Variants in DLGAP2 observed in about 807,000 individuals in gnomAD.
DLGAP2 encodes DLG associated protein 2, also known as disks large-associated protein 2.
In DLGAP2, 26 loss-of-function variants were observed where a neutral mutation model predicts 100.3. That is an observed-to-expected ratio of 0.26 (90% CI 0.19 to 0.36). The LOEUF is 0.36. Among genes scored for constraint, DLGAP2 ranks in the 10% least tolerant of loss-of-function variants. The pLI, the probability that DLGAP2 is intolerant of heterozygous loss-of-function variation, is 1.00. For synonymous variants in DLGAP2, 886 were observed against 630.1 expected (o/e 1.41, Z -6.08); for missense variants, 1,858 against 1,453.2 (o/e 1.28, Z -4.53).
At position 1,071,362 on chromosome 8, in the gene DLGAP2, G is replaced by T. The variant is rs554531090; in HGVS notation, c.73+163396G>T. Reference sequence around the variant, plus strand: ...CCACGGTGCTTGACTTTCAAGGGTGGCTTCCTGGATGACTCCCCTCCCTCC... The same window carrying T: ...CCACGGTGCTTGACTTTCAAGGGTGTCTTCCTGGATGACTCCCCTCCCTCC... On this transcript the variant is annotated intron_variant, in intron 2 of 14. Transcript: ENST00000637795. Among the ~76,000 whole-genome samples the T allele has an allele frequency of 2.0e-5, 3 of 152,290 alleles. No individual in the cohort carries two copies. The South Asian group carries it at 6.2e-4, about 32-fold the overall frequency.
intron 2 of DLGAP2, among the ~76,000 whole-genome samples, chr8:1,074,063 GTT>G (rs1803521974): frequency 7.3e-6 from 1 of 137,734 alleles, no homozygotes; most frequent in Non-Finnish European, 1.5e-5. Context: ...TCACAGAAGG[GTT>G]TGCAGCAGAC....
chr8:1,037,375 C>A (rs979181247), intron 2 of DLGAP2, among the ~76,000 whole-genome samples: 4 of 152,154 alleles, frequency 2.6e-5, no homozygotes, highest in Admixed American at 6.5e-5. Flanking sequence ...CCGCCTCGGG[C>A]CCAGGGCTTC....
At chr8:824,166 C>G (rs1332943065) in intron 1 of DLGAP2, among the ~76,000 whole-genome samples, 1 of 152,086 alleles carries the variant, frequency 6.6e-6, no homozygotes, top group East Asian at 1.9e-4. Flanking sequence ...CCTCAACCTC[C>G]TGGGCTCAGG....
At chr8:1,658,212 G>C (rs1229193046) in intron 8 of DLGAP2, among the ~76,000 whole-genome samples, 1 of 151,968 alleles carries the variant, frequency 6.6e-6, no homozygotes, top group African/African-American at 2.4e-5. Flanking sequence ...GCTTTACCTG[G>C]AGGCTGCCAT....
intron 3 of DLGAP2, among the ~76,000 whole-genome samples, chr8:1,260,722 G>C (rs1029840282): frequency 6.6e-6 from 1 of 152,224 alleles, no homozygotes; most frequent in Non-Finnish European, 1.5e-5. Context: ...TCCTGGCTCA[G>C]GGATGGATAT....
At chr8:1,127,348 G>A (rs1184961940) in intron 2 of DLGAP2, among the ~76,000 whole-genome samples, 1 of 152,032 alleles carries the variant, frequency 6.6e-6, no homozygotes, top group African/African-American at 2.4e-5. Context: ...GAACGGGCAG[G>A]CTGAGAGCCA....
chr8:1,483,598 GACAAGGGAAGGC>G (rs1437861106), intron 3 of DLGAP2, among the ~76,000 whole-genome samples: 8 of 137,732 alleles, frequency 5.8e-5, no homozygotes, highest in East Asian at 2.0e-4. Context: ...AGAACGTGAG[GACAAGGGAAGGC>G]TGAACTGCTG....
At chr8:803,206 C>G (rs1267044297) in intron 1 of DLGAP2, among the ~76,000 whole-genome samples, 3 of 152,128 alleles carry the variant, frequency 2.0e-5, no homozygotes, top group African/African-American at 7.2e-5. Flanking sequence ...AGCTTGAGTG[C>G]CGCTTCCTCC....
chr8:1,287,964 TA>T (rs1165153826), intron 3 of DLGAP2, among the ~76,000 whole-genome samples: 9 of 81,870 alleles, frequency 1.1e-4, no homozygotes, highest in Non-Finnish European at 1.8e-4. Flanking sequence ...GTGTGGTTGT[TA>T]GGGGAACTAG....
At chr8:977,386 A>C (rs530031945) in intron 2 of DLGAP2, among the ~76,000 whole-genome samples, 59 of 152,342 alleles carry the variant, frequency 3.9e-4, no homozygotes, top group African/African-American at 1.4e-3. Flanking sequence ...TGTGCAAATG[A>C]GTGGATTAGT....
At chr8:1,316,618 C>T (rs376947544) in intron 3 of DLGAP2, among the ~76,000 whole-genome samples, 22 of 122,712 alleles carry the variant, frequency 1.8e-4, no homozygotes, top group Admixed American at 5.5e-4. Flanking sequence ...AAAAATAGAG[C>T]GTGTGCGAGT....
intron 2 of DLGAP2, among the ~76,000 whole-genome samples, chr8:1,243,773 G>C (rs929912111): frequency 2.6e-5 from 4 of 152,050 alleles, no homozygotes; most frequent in African/African-American, 9.7e-5. Flanking sequence ...TCTTCTCTCA[G>C]GTGGGCCACC....
chr8:742,443 G>A (rs139468329), intron 1 of DLGAP2, among the ~76,000 whole-genome samples: 21 of 152,318 alleles, frequency 1.4e-4, no homozygotes, highest in Admixed American at 3.9e-4. Context: ...TGTATTTTAA[G>A]TTAGGCGGTA....
At chr8:1,428,630 G>A (rs1420097364) in intron 3 of DLGAP2, among the ~76,000 whole-genome samples, 2 of 152,234 alleles carry the variant, frequency 1.3e-5, no homozygotes, top group African/African-American at 4.8e-5. Flanking sequence ...GTATGCCTAT[G>A]TATACCTAAT....
intron 1 of DLGAP2, among the ~76,000 whole-genome samples, chr8:748,364 A>C (rs1820704572): frequency 6.6e-6 from 1 of 151,910 alleles, no homozygotes; most frequent in Admixed American, 6.6e-5. Flanking sequence ...TCGCTCCTCC[A>C]AGACTGAGGT....
At chr8:1,135,573 C>A (rs768350938) in intron 2 of DLGAP2, among the ~76,000 whole-genome samples, 1 of 123,076 alleles carries the variant, frequency 8.1e-6, no homozygotes, top group Admixed American at 1.1e-4. Context: ...GGCATGCGGT[C>A]TTTCAGGAGA....
intron 2 of DLGAP2, among the ~76,000 whole-genome samples, chr8:1,076,891 G>T (rs1415923116): frequency 2.4e-4 from 36 of 147,400 alleles, no homozygotes; most frequent in Admixed American, 1.3e-4. Flanking sequence ...GGGGGAGGAG[G>T]AGTCTGTCCC....
chr8:1,302,903 C>T (rs1364875884), intron 3 of DLGAP2, among the ~76,000 whole-genome samples: 3 of 152,188 alleles, frequency 2.0e-5, no homozygotes. Flanking sequence ...GGCTGTAACT[C>T]GCCTCCTTCT....
chr8:900,595 T>G (rs1798233239), intron 1 of DLGAP2, among the ~76,000 whole-genome samples: 1 of 152,170 alleles, frequency 6.6e-6, no homozygotes, highest in Non-Finnish European at 1.5e-5. Context: ...TTCCCCCGGT[T>G]CAGCACCCAT....
Sources: allele counts gnomAD v4.1 joint callset (sites outside exome capture counted in the v4.1 genomes callset), GRCh38; gene constraint gnomAD v4.1.1; transcripts MANE v1.5; gene names NCBI Gene and HGNC (gene_info 2026-07-23, HGNC 2026-07-21).